The following CCDC38 variants were observed in gnomAD, a reference collection of about 807,000 sequenced individuals.
CCDC38 encodes coiled-coil domain containing 38.
A neutral mutation model predicts 72.8 loss-of-function variants in CCDC38; 69 were observed. The ratio of observed to expected loss-of-function variants is 0.95; its 90% CI spans 0.78 to 1.16. The LOEUF (loss-of-function observed/expected upper bound fraction) is 1.16. Ranked by LOEUF, CCDC38 falls within the 50% of genes most tolerant of loss-of-function variation. The pLI is 0.00. For synonymous variants in CCDC38, 201 were observed against 213.2 expected, an observed-to-expected ratio of 0.94 and a Z score of 0.50; for missense variants, 626 against 638.9, an observed-to-expected ratio of 0.98 and a Z score of 0.22.
At chr12:95,888,131 A>G (rs1159141627) in intron 10 of CCDC38, among the ~76,000 whole-genome samples, 2 of 152,246 alleles carry the variant, frequency 1.3e-5, no homozygotes, top group Non-Finnish European at 2.9e-5. Context: ...TCCTAATTGC[A>G]GGAATTTTGA....
chr12:95,896,689 G>A (rs1182358217), intron 7 of CCDC38: 1 of 152,238 alleles, frequency 6.6e-6, no homozygotes, highest in Non-Finnish European at 1.5e-5. Context: ...AAAAGCTTCA[G>A]AAGATGCCCC....
At chr12:95,917,740 C>T (rs1037051321) in intron 3 of CCDC38, among the ~76,000 whole-genome samples, 6 of 151,746 alleles carry the variant, frequency 4.0e-5, no homozygotes, top group African/African-American at 1.2e-4. Context: ...GGCGTGGTGA[C>T]GGGTGCCTGT....
At chr12:95,890,369 A>T (rs1235374575) in intron 9 of CCDC38, among the ~76,000 whole-genome samples, 2 of 152,182 alleles carry the variant, frequency 1.3e-5, no homozygotes, top group Non-Finnish European at 2.9e-5. Flanking sequence ...GTGATAGTGA[A>T]GGACTTCTTG....
At chr12:95,868,653 A>G (rs566488943) in intron 15 of CCDC38, among the ~76,000 whole-genome samples, 1 of 152,352 alleles carries the variant, frequency 6.6e-6, no homozygotes, top group East Asian at 1.9e-4. Context: ...AGCATCCGCA[A>G]TAGCTTTGCA....
At chr12:95,909,455 C>T (rs549570646) in intron 4 of CCDC38, among the ~76,000 whole-genome samples, 11 of 152,168 alleles carry the variant, frequency 7.2e-5, no homozygotes, top group South Asian at 2.1e-4. Context: ...GATTCACAGC[C>T]GACTCCTACC....
At chr12:95,928,201 C>T (rs1278911569) in intron 2 of CCDC38, among the ~76,000 whole-genome samples, 2 of 152,014 alleles carry the variant, frequency 1.3e-5, no homozygotes, top group Admixed American at 6.6e-5. Flanking sequence ...TTGGTCTTTT[C>T]ACATAGTCCC....
chr12:95,930,407 G>A (rs1307710527), intron 2 of CCDC38, among the ~76,000 whole-genome samples: 2 of 152,100 alleles, frequency 1.3e-5, no homozygotes, highest in Admixed American at 6.5e-5. Context: ...CTTTAACCTA[G>A]CTTCTGGTAG....
intron 10 of CCDC38, among the ~76,000 whole-genome samples, chr12:95,886,261 G>A (rs925348549): frequency 6.6e-6 from 1 of 151,942 alleles, no homozygotes; most frequent in African/African-American, 2.4e-5. Context: ...GACATACACA[G>A]GCAAAAAAGC....
intron 5 of CCDC38, among the ~76,000 whole-genome samples, chr12:95,900,475 T>G: frequency 6.6e-6 from 1 of 152,200 alleles, no homozygotes; most frequent in Non-Finnish European, 1.5e-5. Flanking sequence ...TTAGGGGTGA[T>G]CAAAGACTTC....
chr12:95,893,295 TCTTCCTTCTTTC>T (rs1164008394), intron 8 of CCDC38, among the ~76,000 whole-genome samples: 2 of 151,804 alleles, frequency 1.3e-5, no homozygotes, highest in South Asian at 2.1e-4. Context: ...TTCTTTCTTT[TCTTCCTTCTTTC>T]CTTCCTTTTC....
At chr12:95,884,868 A>G (rs1225419163) in intron 10 of CCDC38, among the ~76,000 whole-genome samples, 3 of 151,846 alleles carry the variant, frequency 2.0e-5, no homozygotes, top group East Asian at 3.8e-4. Context: ...TAATAAAAAT[A>G]TATATATTTT....
At chr12:95,900,851 T>C (rs1384902919) in intron 5 of CCDC38, among the ~76,000 whole-genome samples, 3 of 152,232 alleles carry the variant, frequency 2.0e-5, no homozygotes, top group East Asian at 3.8e-4. Flanking sequence ...GAACTATATT[T>C]TTGAGATTTT....
At position 95,869,662 on chromosome 12, in the gene CCDC38, T is replaced by C. The variant is rs1486312459; in HGVS notation, c.1485-89A>G. The C allele has an allele frequency of 4.6e-6, 4 of 872,220 alleles. No individual in the cohort carries two copies. The East Asian group carries it at 1.0e-4, about 22-fold the overall frequency. The allele number at this position is 872,220 out of a possible 1,614,324, so 54.0% of individuals were successfully genotyped here. ...ACTATTTGTTAATGAGCCATGTGAC[T>C]AGAAGACCTCCTTTAAAGGTAAATG... On this transcript the variant is annotated intron_variant, in intron 14 of 15. Transcript: ENST00000344280.
intron 1 of CCDC38, among the ~76,000 whole-genome samples, chr12:95,936,726 A>T: frequency 6.6e-6 from 1 of 152,226 alleles, no homozygotes; most frequent in East Asian, 1.9e-4. Flanking sequence ...AAGCATGTGC[A>T]ATAATGTTTG....
chr12:95,889,131 CA>C (rs1208781280), intron 9 of CCDC38: 3 of 157,902 alleles, frequency 1.9e-5, no homozygotes, highest in African/African-American at 7.5e-5. Flanking sequence ...CTCTGTCTCC[CA>C]GGTTCAAGCG....
chr12:95,898,444 G>C lies in CCDC38; in HGVS notation c.555C>G (p.Asn185Lys). 1 of 1,614,142 alleles carries C rather than the reference G, an allele frequency of 6.2e-7. No individual in the cohort carries two copies. The highest frequency in any genetic ancestry group is 8.5e-7 in the Non-Finnish European group (1 of 1,180,014). The change falls in exon 7 of 16, where the codon AAC (asparagine) becomes AAG (lysine). Residue 185 changes from asparagine to lysine, a missense_variant. Physicochemically the swap from Asn to Lys is moderately conservative, Grantham distance 94. Coordinates refer to ENST00000344280, the MANE Select transcript of CCDC38 (RefSeq NM_182496.3). ...TCAGCTCTGCTGTCATTTGGAGTTT[G>C]TTTATTGTTTCCTGTGCTGCCCTGA... ...ALKMAAQETI[N>K]KLQMTAELKK...
chr12:95,927,263 T>G (rs1439220207), intron 2 of CCDC38, among the ~76,000 whole-genome samples: 2 of 152,082 alleles, frequency 1.3e-5, no homozygotes, highest in African/African-American at 4.8e-5. Context: ...TAGTTAGCTC[T>G]TCTTGTTGAA....
intron 1 of CCDC38, among the ~76,000 whole-genome samples, chr12:95,936,796 A>T (rs2080399202): frequency 6.6e-6 from 1 of 152,256 alleles, no homozygotes; most frequent in Non-Finnish European, 1.5e-5. Context: ...CCATAAAATA[A>T]ATTCCAGTTG....
chr12:95,890,978 A>G (rs370923741), intron 8 of CCDC38, 48 bp from the exon 9 acceptor site: 11 of 1,018,822 alleles, frequency 1.1e-5, no homozygotes, highest in Admixed American at 1.8e-5. Flanking sequence ...GATGGGGGGA[A>G]AAAAACACTG....
Sources: allele counts gnomAD v4.1 joint callset (sites outside exome capture counted in the v4.1 genomes callset), GRCh38; gene constraint gnomAD v4.1.1; transcripts MANE v1.5; gene names NCBI Gene and HGNC (gene_info 2026-07-23, HGNC 2026-07-21).